Variants in OR9Q1 observed in about 807,000 individuals in gnomAD.
The protein encoded by OR9Q1 is olfactory receptor family 9 subfamily Q member 1, also known as olfactory receptor 9Q1.
For missense variants in OR9Q1, 374 were observed against 378.8 expected, an observed-to-expected ratio of 0.99 and a Z score of 0.11; for synonymous variants, 153 against 148.6, an observed-to-expected ratio of 1.03 and a Z score of -0.22.
chr11:58,034,485 A>C (rs1038504264), intron 1 of OR9Q1, among the ~76,000 whole-genome samples: 1 of 152,192 alleles, frequency 6.6e-6, no homozygotes, highest in African/African-American at 2.4e-5. Flanking sequence ...CATGACACAC[A>C]AACATTTGAA....
At chr11:58,146,049 CTG>C (rs1297578106) in intron 2 of OR9Q1, among the ~76,000 whole-genome samples, 1 of 152,084 alleles carries the variant, frequency 6.6e-6, no homozygotes, top group Non-Finnish European at 1.5e-5. Context: ...GTCTCAGACA[CTG>C]TGGAAAAAAG....
chr11:58,179,444 C>G lies in OR9Q1; in HGVS notation c.-1C>G. The G allele has an allele frequency of 1.3e-6, 2 of 1,553,258 alleles. No homozygotes were observed. The highest frequency in any genetic ancestry group is 1.7e-6 in the Non-Finnish European group (2 of 1,148,428). On this transcript the variant is annotated 5_prime_UTR_variant, in exon 3 of 3. Transcript: ENST00000335397. ...TACATGTCTCAGGGACCACTGGTGT[C>G]ATGGCAGAGATGAACCTCACCTTGG...
At position 58,180,729 on chromosome 11, in the gene OR9Q1, T is replaced by C. The variant is rs1296958937; in HGVS notation, c.*352T>C. 2 of 188,018 alleles carry C rather than the reference T, an allele frequency of 1.1e-5. No individual in the cohort carries two copies. The highest frequency in any genetic ancestry group is 4.8e-5 in the African/African-American group (2 of 42,082). 11.6% of individuals were successfully genotyped at this position (188,018 alleles called of 1,614,324 possible). ...TCATATAGAAATGTTAAAAATAATA[T>C]GTAGGAAGTTTCCTATACTCAGTAC... On this transcript the variant is annotated 3_prime_UTR_variant, in exon 3 of 3. Coordinates refer to ENST00000335397, the MANE Select transcript of OR9Q1 (RefSeq NM_001005212.4).
intron 2 of OR9Q1, among the ~76,000 whole-genome samples, chr11:58,103,459 T>C (rs1292845577): frequency 6.6e-6 from 1 of 152,220 alleles, no homozygotes; most frequent in Non-Finnish European, 1.5e-5. Flanking sequence ...GACATCTATC[T>C]CTTTGTTAAA....
intron 2 of OR9Q1, among the ~76,000 whole-genome samples, chr11:58,097,494 ATTG>A (rs1296281174): frequency 2.0e-5 from 3 of 152,186 alleles, no homozygotes; most frequent in Non-Finnish European, 2.9e-5. Flanking sequence ...GTAACTCTCT[ATTG>A]TTGTTGTAAT....
intron 2 of OR9Q1, among the ~76,000 whole-genome samples, chr11:58,156,367 G>A (rs1854407727): frequency 6.6e-6 from 1 of 152,178 alleles, no homozygotes; most frequent in South Asian, 2.1e-4. Context: ...AGTGTGATCT[G>A]CTGCTACCTT....
chr11:58,033,011 A>G (rs1005944440), intron 1 of OR9Q1, among the ~76,000 whole-genome samples: 2 of 152,226 alleles, frequency 1.3e-5, no homozygotes, highest in East Asian at 1.9e-4. Context: ...AAAAATTCTC[A>G]TCATCACTAA....
At chr11:58,094,698 A>C (rs1208347134) in intron 2 of OR9Q1, among the ~76,000 whole-genome samples, 1 of 152,216 alleles carries the variant, frequency 6.6e-6, no homozygotes, top group Non-Finnish European at 1.5e-5. Context: ...TATTAGAACC[A>C]ATATTTTACT....
rs375305017 is a variant in OR9Q1, at chr11:58,046,639, A to G, written c.-92-9231A>G. On this transcript the variant is annotated intron_variant, in intron 1 of 2. Coordinates refer to ENST00000335397, the MANE Select transcript of OR9Q1 (RefSeq NM_001005212.4). ...CACTTTGGGAGGCTGAGGCGGGTGGATCGTCTGAGGTCAGGAGTTTGAGAC... is the reference window on the plus strand; with the variant it reads ...CACTTTGGGAGGCTGAGGCGGGTGGGTCGTCTGAGGTCAGGAGTTTGAGAC... 6.2e-3 allele frequency among the ~76,000 whole-genome samples: 943 copies of G among 152,214 alleles called. 6 individuals carry two copies. Among genetic ancestry groups the G allele is most frequent in the African/African-American group, 0.021 (887 of 41,536 alleles).
intron 2 of OR9Q1, among the ~76,000 whole-genome samples, chr11:58,066,238 G>T (rs1853428338): frequency 6.6e-6 from 1 of 152,192 alleles, no homozygotes; most frequent in Non-Finnish European, 1.5e-5. Context: ...AGGGGTCGCA[G>T]CCCGGATGAA....
At chr11:58,069,318 A>G (rs1199945918) in intron 2 of OR9Q1, among the ~76,000 whole-genome samples, 2 of 152,030 alleles carry the variant, frequency 1.3e-5, no homozygotes, top group Non-Finnish European at 1.5e-5. Flanking sequence ...TCATATGTGG[A>G]TGGAATGAGT....
At chr11:58,092,680 T>C (rs891475714) in intron 2 of OR9Q1, among the ~76,000 whole-genome samples, 1 of 152,194 alleles carries the variant, frequency 6.6e-6, no homozygotes, top group African/African-American at 2.4e-5. Flanking sequence ...AGGGGATAAA[T>C]TTTGATGCTT....
At chr11:58,068,174 C>T (rs1464849959) in intron 2 of OR9Q1, among the ~76,000 whole-genome samples, 1 of 25,326 alleles carries the variant, frequency 3.9e-5, no homozygotes, top group Non-Finnish European at 9.8e-5. Flanking sequence ...CCTGTCTCTA[C>T]AAAAATACAA....
chr11:58,088,670 T>A (rs1590582264), intron 2 of OR9Q1, among the ~76,000 whole-genome samples: 1 of 116,424 alleles, frequency 8.6e-6, no homozygotes, highest in Admixed American at 9.4e-5. Flanking sequence ...GATGGGATTG[T>A]TTGTTTTTTT....
intron 2 of OR9Q1, among the ~76,000 whole-genome samples, chr11:58,165,623 A>G (rs1854493702): frequency 6.6e-6 from 1 of 152,188 alleles, no homozygotes; most frequent in Non-Finnish European, 1.5e-5. Context: ...GGCAGGATCC[A>G]TGTGAAACTT....
chr11:58,067,826 C>T (rs1329373945), intron 2 of OR9Q1, among the ~76,000 whole-genome samples: 1 of 152,240 alleles, frequency 6.6e-6, no homozygotes, highest in Non-Finnish European at 1.5e-5. Flanking sequence ...TGCCCCAGAC[C>T]TGCACTGACT....
intron 1 of OR9Q1, among the ~76,000 whole-genome samples, chr11:58,032,960 CTT>C (rs1456115887): frequency 6.6e-6 from 1 of 152,164 alleles, no homozygotes; most frequent in Non-Finnish European, 1.5e-5. Context: ...TGAACAGACA[CTT>C]ATCAAAAGAA....
intron 1 of OR9Q1, among the ~76,000 whole-genome samples, chr11:58,046,008 T>C (rs1396094572): frequency 6.6e-6 from 1 of 152,218 alleles, no homozygotes; most frequent in Admixed American, 6.5e-5. Context: ...CATTGTCCCA[T>C]GAGAGGCAAA....
chr11:58,158,421 CTTT>C (rs10600970), intron 2 of OR9Q1, among the ~76,000 whole-genome samples: 3,936 of 133,674 alleles, frequency 0.029, 101 homozygotes, highest in African/African-American at 0.073. Context: ...CCTAGGTCTG[CTTT>C]TTTTTTTTTT....
Sources: allele counts gnomAD v4.1 joint callset (sites outside exome capture counted in the v4.1 genomes callset), GRCh38; gene constraint gnomAD v4.1.1; transcripts MANE v1.5; gene names NCBI Gene and HGNC (gene_info 2026-07-23, HGNC 2026-07-21).